AOPEP: variants seen among roughly 807,000 people sequenced by gnomAD.
AOPEP encodes aminopeptidase O (putative).
Under a neutral mutation model 98.1 loss-of-function variants are expected in AOPEP, and 77 were observed. The ratio of observed to expected loss-of-function variants is 0.78; its 90% CI spans 0.65 to 0.95. The LOEUF is 0.95. Among genes scored for constraint, AOPEP ranks in the 40% least tolerant of loss-of-function variants. The probability of loss-of-function intolerance (pLI) is 0.00; values close to 1 mark genes in which losing one functional copy is unlikely to be tolerated. For synonymous variants in AOPEP, 346 were observed against 365.3 expected, an observed-to-expected ratio of 0.95 and a Z score of 0.60; for missense variants, 1,024 against 1,024.7, an observed-to-expected ratio of 1.00 and a Z score of 0.01.
At chr9:94,987,347 G>A (rs1182477365) in intron 11 of AOPEP, among the ~76,000 whole-genome samples, 1 of 152,244 alleles carries the variant, frequency 6.6e-6, no homozygotes, top group Non-Finnish European at 1.5e-5. Flanking sequence ...GCATGGGCAG[G>A]TGGAGATTGT....
chr9:95,143,342 G>A, the AOPEP span, among the ~76,000 whole-genome samples: 2 of 152,258 alleles, frequency 1.3e-5, no homozygotes, highest in African/African-American at 2.4e-5. Flanking sequence ...ATGTAAGCAC[G>A]ACTGATTAAA....
At chr9:94,785,265 A>G (rs763716085) in intron 3 of AOPEP, among the ~76,000 whole-genome samples, 94 of 152,360 alleles carry the variant, frequency 6.2e-4, no homozygotes, top group Non-Finnish European at 1.0e-3. Context: ...GCCTCTTGTG[A>G]TTTGAAAATT....
chr9:95,016,075 A>C (rs1589272335), intron 13 of AOPEP, among the ~76,000 whole-genome samples: 1 of 151,690 alleles, frequency 6.6e-6, no homozygotes, highest in African/African-American at 2.4e-5. Context: ...GCTACCTCTG[A>C]ACTTGGTTCA....
At chr9:94,846,461 A>T (rs1369119049) in intron 5 of AOPEP, among the ~76,000 whole-genome samples, 2 of 152,224 alleles carry the variant, frequency 1.3e-5, no homozygotes, top group Non-Finnish European at 2.9e-5. Flanking sequence ...AAGTTGAGAC[A>T]TCAAGTACAG....
intron 13 of AOPEP, among the ~76,000 whole-genome samples, chr9:95,007,328 G>A (rs546942707): frequency 2.0e-5 from 3 of 148,050 alleles, no homozygotes; most frequent in East Asian, 2.1e-4. Flanking sequence ...AGAAGTAACC[G>A]TATTTGTGAC....
At chr9:95,029,880 C>T (rs1307538203) in intron 13 of AOPEP, among the ~76,000 whole-genome samples, 1 of 152,164 alleles carries the variant, frequency 6.6e-6, no homozygotes, top group African/African-American at 2.4e-5. Flanking sequence ...GTGCCCAGCA[C>T]TCCTAAGTAG....
At chr9:94,908,466 C>G (rs892017552) in intron 5 of AOPEP, among the ~76,000 whole-genome samples, 3 of 152,166 alleles carry the variant, frequency 2.0e-5, no homozygotes, top group African/African-American at 7.2e-5. Context: ...ACTTATCCCT[C>G]TAAGAGTATA....
At chr9:95,047,903 A>G (rs2065985675) in intron 13 of AOPEP, among the ~76,000 whole-genome samples, 1 of 152,228 alleles carries the variant, frequency 6.6e-6, no homozygotes, top group Admixed American at 6.5e-5. Flanking sequence ...TTTAGTGTGA[A>G]CAGTTAGCGA....
intron 13 of AOPEP, among the ~76,000 whole-genome samples, chr9:95,032,825 A>G (rs946319470): frequency 6.6e-6 from 1 of 152,204 alleles, no homozygotes; most frequent in Non-Finnish European, 1.5e-5. Context: ...CAGCCTCATC[A>G]GTGATGTTAC....
chr9:94,925,337 C>T (rs1170949230), intron 6 of AOPEP, among the ~76,000 whole-genome samples: 2 of 152,196 alleles, frequency 1.3e-5, no homozygotes, highest in Non-Finnish European at 2.9e-5. Context: ...CATCTCTGTC[C>T]CTTATACACT....
intron 11 of AOPEP, among the ~76,000 whole-genome samples, chr9:94,985,755 T>C (rs2132240094): frequency 6.6e-6 from 1 of 152,364 alleles, no homozygotes; most frequent in South Asian, 2.1e-4. Context: ...TTTTGTCCAG[T>C]AGTTAAACTT....
At chr9:95,022,593 C>T (rs2063542212) in intron 13 of AOPEP, among the ~76,000 whole-genome samples, 1 of 152,026 alleles carries the variant, frequency 6.6e-6, no homozygotes, top group African/African-American at 2.4e-5. Flanking sequence ...CCCGCCTTGG[C>T]CTCCCAAAGT....
Position 95,005,240 on chromosome 9 carries a change from T to C in AOPEP, c.2040+20T>C. The C allele has an allele frequency of 1.9e-6, 2 of 1,080,254 alleles. No homozygotes were observed. The highest frequency in any genetic ancestry group is 2.2e-6 in the Non-Finnish European group (2 of 889,568). 66.9% of individuals were successfully genotyped at this position (1,080,254 alleles called of 1,614,324 possible). On this transcript the variant is annotated intron_variant, in intron 12 of 16. Transcript: ENST00000375315. ...GCCGAGGTGAGTGCGGGCGGCGCGG[T>C]CCCTGCGCCCCGGTGGCGCCGGCGC...
At chr9:95,015,693 G>A (rs1028147814) in intron 13 of AOPEP, among the ~76,000 whole-genome samples, 2 of 152,212 alleles carry the variant, frequency 1.3e-5, no homozygotes, top group African/African-American at 4.8e-5. Flanking sequence ...TATAAGGGAA[G>A]TCATCACTTT....
chr9:94,874,782 A>G (rs963248440), intron 5 of AOPEP, among the ~76,000 whole-genome samples: 2 of 152,226 alleles, frequency 1.3e-5, no homozygotes, highest in African/African-American at 2.4e-5. Flanking sequence ...AAATCTCTAC[A>G]TATTTTGAAC....
chr9:95,100,415 G>A, the AOPEP span: 1 of 231,378 alleles, frequency 4.3e-6, no homozygotes, highest in Non-Finnish European at 8.6e-6. Context: ...TTCCCTAAAG[G>A]TTAACTTCTA....
intron 14 of AOPEP, among the ~76,000 whole-genome samples, chr9:95,072,283 T>C (rs2134091241): frequency 6.6e-6 from 1 of 152,340 alleles, no homozygotes; most frequent in Non-Finnish European, 1.5e-5. Context: ...GTGCTCAATA[T>C]CTGGCTCTTG....
intron 5 of AOPEP, among the ~76,000 whole-genome samples, chr9:94,873,676 A>C (rs1239717838): frequency 6.6e-6 from 1 of 152,250 alleles, no homozygotes; most frequent in Non-Finnish European, 1.5e-5. Context: ...TTAAAGAACA[A>C]ATTTAGTTTC....
At chr9:94,749,752 T>C (rs999213756) in intron 1 of AOPEP, among the ~76,000 whole-genome samples, 10 of 152,228 alleles carry the variant, frequency 6.6e-5, no homozygotes, top group African/African-American at 2.4e-4. Context: ...TGCTGAGTTT[T>C]CCTTTTAGTT....
Sources: allele counts gnomAD v4.1 joint callset (sites outside exome capture counted in the v4.1 genomes callset), GRCh38; gene constraint gnomAD v4.1.1; transcripts MANE v1.5; gene names NCBI Gene and HGNC (gene_info 2026-07-23, HGNC 2026-07-21).